Variants in GGT1 observed in about 807,000 individuals in gnomAD.
The protein encoded by GGT1 is glutathione hydrolase 1 proenzyme.
A neutral mutation model predicts 56.0 loss-of-function variants in GGT1; 21 were observed. That is an observed-to-expected ratio of 0.38 (90% CI 0.27 to 0.54). GGT1 has a LOEUF of 0.54. Ranked by LOEUF, GGT1 falls within the 20% of genes least tolerant of loss-of-function variation. The pLI is 0.82. For missense variants in GGT1, 466 were observed against 787.0 expected (o/e 0.59, Z 4.88); for synonymous variants, 238 against 342.6 (o/e 0.69, Z 3.37).
the GGT1 span, chr22:24,588,276 G>A: frequency 6.2e-7 from 1 of 1,613,692 alleles, no homozygotes; most frequent in Non-Finnish European, 8.5e-7. Context: ...GAGGGGTGAG[G>A]TGGTAGATGA....
At chr22:24,606,983 CT>C (rs2046362753) in intron 1 of GGT1, among the ~76,000 whole-genome samples, 2 of 121,456 alleles carry the variant, frequency 1.6e-5, no homozygotes, top group Non-Finnish European at 3.7e-5. Context: ...ATGGGCAGCA[CT>C]GTCCAAAGTC....
chr22:24,588,223 G>A, the GGT1 span: 1 of 1,612,496 alleles, frequency 6.2e-7, no homozygotes, highest in Non-Finnish European at 8.5e-7. Context: ...CCAGCTCTGG[G>A]TCTTCCTCTG....
At chr22:24,626,518 G>T (rs370423760) in intron 11 of GGT1, among the ~76,000 whole-genome samples, 1 of 150,868 alleles carries the variant, frequency 6.6e-6, no homozygotes, top group Non-Finnish European at 1.5e-5. Context: ...TTTTTAATAC[G>T]TGCACCCATG....
At chr22:24,594,363 G>A (rs1274167610), upstream of GGT1, among the ~76,000 whole-genome samples, 2 of 151,158 alleles carry the variant, frequency 1.3e-5, no homozygotes, top group African/African-American at 4.9e-5. Flanking sequence ...GGGCATATAT[G>A]AGGGACGACA....
At chr22:24,612,707 A>G (rs1454891130) in intron 5 of GGT1, among the ~76,000 whole-genome samples, 4 of 151,938 alleles carry the variant, frequency 2.6e-5, no homozygotes, top group Non-Finnish European at 2.9e-5. Context: ...TTGTATTTTT[A>G]GTAGAGACAG....
chr22:24,590,979 C>G (rs1601596483), upstream of GGT1, among the ~76,000 whole-genome samples: 1 of 152,232 alleles, frequency 6.6e-6, no homozygotes, highest in East Asian at 1.9e-4. Flanking sequence ...ATCCCTCACC[C>G]CACCGCCTGC....
chr22:24,586,353 TGCCTGA>T, the GGT1 span: 1 of 1,613,904 alleles, frequency 6.2e-7, no homozygotes, highest in Non-Finnish European at 8.5e-7. Context: ...GACAGCGGGA[TGCCTGA>T]GAGGTCCACA....
At chr22:24,608,882 C>T (rs1278072983) in intron 2 of GGT1, 1 of 152,274 alleles carries the variant, frequency 6.6e-6, no homozygotes, top group Non-Finnish European at 1.5e-5. Context: ...TGTTCTCAAA[C>T]TCTTCACCTC....
chr22:24,625,210 A>T (rs1220666154), intron 11 of GGT1, among the ~76,000 whole-genome samples: 1 of 152,194 alleles, frequency 6.6e-6, no homozygotes, highest in Non-Finnish European at 1.5e-5. Context: ...GCACAGCAGG[A>T]TGTCGGGGTG....
chr22:24,597,952 G>A (rs531517125), intron 1 of GGT1: 3 of 152,298 alleles, frequency 2.0e-5, no homozygotes, highest in African/African-American at 7.2e-5. Flanking sequence ...TCTGGGCATT[G>A]GGAACATCTG....
At chr22:24,626,865 C>T (rs1215717408) in intron 11 of GGT1, among the ~76,000 whole-genome samples, 1 of 150,830 alleles carries the variant, frequency 6.6e-6, no homozygotes, top group Non-Finnish European at 1.5e-5. Context: ...CTTCTCCCCA[C>T]CCCACTCCAT....
chr22:24,593,581 T>C (rs992092319), upstream of GGT1, among the ~76,000 whole-genome samples: 1 of 150,594 alleles, frequency 6.6e-6, no homozygotes, highest in African/African-American at 2.4e-5. Context: ...AGGTCAGGAG[T>C]TCAAGACTAG....
At chr22:24,615,384 T>A (rs1228368871) in intron 7 of GGT1, among the ~76,000 whole-genome samples, 1 of 152,208 alleles carries the variant, frequency 6.6e-6, no homozygotes, top group Admixed American at 6.5e-5. Flanking sequence ...ATAATTATTA[T>A]GCTAGCAGAC....
At chr22:24,619,090 C>T (rs1353385756) in intron 7 of GGT1, among the ~76,000 whole-genome samples, 2 of 152,066 alleles carry the variant, frequency 1.3e-5, no homozygotes, top group East Asian at 3.9e-4. Flanking sequence ...ACCCCTGTCT[C>T]TACAAAAAAT....
At chr22:24,591,677 G>A (rs1569038836), upstream of GGT1, among the ~76,000 whole-genome samples, 1 of 152,242 alleles carries the variant, frequency 6.6e-6, no homozygotes, top group African/African-American at 2.4e-5. Context: ...CCCAACTGGT[G>A]TCTTGGACTC....
At position 24,628,332 on chromosome 22, in the gene GGT1, C is replaced by T. The variant is rs762681085; in HGVS notation, c.1507C>T (p.Arg503Trp). 5.0e-6 allele frequency: 8 copies of T among 1,611,668 alleles called. No individual in the cohort carries two copies. The South Asian group carries it at 6.6e-5, about 13-fold the overall frequency. ...YDVKRAVEEPRLHNQLLPNVT... is the reference protein window; with the variant it reads ...YDVKRAVEEPWLHNQLLPNVT... Reference sequence around the variant, plus strand: ...CGTGAAGCGGGCCGTGGAGGAGCCCCGGCTGCACAACCAGCTTCTGCCCAA... The same window carrying T: ...CGTGAAGCGGGCCGTGGAGGAGCCCTGGCTGCACAACCAGCTTCTGCCCAA... Residue 503 changes from arginine to tryptophan, a missense_variant, in exon 15 of 16, where the codon CGG becomes TGG. By Grantham distance (101) the Arg-to-Trp change is moderately radical. Around this residue, in one of 2 missense-constraint regions of GGT1, gnomAD observed 456 missense variants for 716.7 expected, o/e 0.64. Coordinates refer to ENST00000400382, the MANE Select transcript of GGT1 (RefSeq NM_001288833.2). This position sits in a 1 kb window ranked among gnomAD's most constrained non-coding sequence, Gnocchi z 5.7.
chr22:24,627,804 G>T lies in GGT1; in HGVS notation c.1209-48G>T, dbSNP rs779608347. On this transcript the variant is annotated intron_variant, in intron 12 of 15. Transcript: ENST00000400382. The stretch of plus-strand genomic sequence containing the variant: ...AGCCTCAGTGGGTGGATAGGGACCA[G>T]GCTGGGCCAGGCAAGGTCGGGCACT... The T allele has an allele frequency of 2.5e-6, 4 of 1,589,678 alleles. No individual in the cohort carries two copies. In the African/African-American group the frequency reaches 5.4e-5, roughly 21 times the overall value.
chr22:24,596,299 T>C (rs5751901), intron 1 of GGT1, among the ~76,000 whole-genome samples: 58,416 of 152,090 alleles, frequency 0.38, 11,362 homozygotes, highest in Middle Eastern at 0.49. Context: ...AATCCAAGTA[T>C]AGGCCAAGCC....
the GGT1 span, chr22:24,586,327 T>C: frequency 6.2e-7 from 1 of 1,613,864 alleles, no homozygotes. Flanking sequence ...GTGTGATGTG[T>C]TGCACGTCCT....
Sources: gnomAD v4.1 joint callset for allele counts (sites outside exome capture counted in the v4.1 genomes callset) on GRCh38, gnomAD v4.1.1 for gene constraint, gnomAD v4.1.1 regional missense constraint, Gnocchi (gnomAD v3.1) non-coding constraint, MANE v1.5 for transcripts, NCBI Gene and HGNC (gene_info 2026-07-23, HGNC 2026-07-21) for gene names.